WNT9B: variants seen among roughly 807,000 people sequenced by gnomAD.
WNT9B encodes the protein Wnt family member 9B.
In WNT9B, 12 loss-of-function variants were observed where a neutral mutation model predicts 30.2. That is an observed-to-expected ratio of 0.40 (90% CI 0.26 to 0.64). WNT9B has a LOEUF of 0.64. Among genes scored for constraint, WNT9B ranks in the 30% least tolerant of loss-of-function variants. The pLI, the probability that WNT9B is intolerant of heterozygous loss-of-function variation, is 0.42. For missense variants in WNT9B, 442 were observed against 485.2 expected (o/e 0.91, Z 0.84); for synonymous variants, 218 against 216.9 (o/e 1.01, Z -0.05).
chr17:46,869,311 G>C (rs2146591544), intron 1 of WNT9B, among the ~76,000 whole-genome samples: 1 of 152,314 alleles, frequency 6.6e-6, no homozygotes, highest in South Asian at 2.1e-4. Flanking sequence ...GGGGCCTGAG[G>C]ATTTGCATTC....
chr17:46,837,667 A>T (rs1473642775), intron 1 of WNT9B, among the ~76,000 whole-genome samples: 1 of 152,222 alleles, frequency 6.6e-6, no homozygotes, highest in Non-Finnish European at 1.5e-5. Context: ...CTGGGAACAC[A>T]GGAAGGTGGT....
chr17:46,875,207 C>T lies in WNT9B; in HGVS notation c.441C>T (p.Asp147=). ...GCATGGAGCGCTGCACCTGTGATGACTCTCCGGGGCTGGAGAGCCGGCAGG... is the reference window on the plus strand; with the variant it reads ...GCATGGAGCGCTGCACCTGTGATGATTCTCCGGGGCTGGAGAGCCGGCAGG... ...AGRMERCTCD[D]SPGLESRQAW... The change falls in exon 3 of 4, where the codon GAC becomes GAT. Residue 147 remains aspartate, a synonymous_variant. Transcript: ENST00000290015. 5 of 1,614,156 alleles carry T rather than the reference C, an allele frequency of 3.1e-6. No individual in the cohort carries two copies. The highest frequency in any genetic ancestry group is 4.2e-6 in the Non-Finnish European group (5 of 1,180,046).
downstream of WNT9B, among the ~76,000 whole-genome samples, chr17:46,883,757 C>T (rs544930205): frequency 6.6e-5 from 10 of 152,282 alleles, no homozygotes; most frequent in East Asian, 1.5e-3. Flanking sequence ...GGATTCAGGG[C>T]GACTGGTGGC....
intron 1 of WNT9B, among the ~76,000 whole-genome samples, chr17:46,862,948 A>G (rs922604701): frequency 1.1e-4 from 17 of 152,230 alleles, no homozygotes; most frequent in African/African-American, 4.1e-4. Flanking sequence ...GGGTGTCACC[A>G]GGCTACCCAA....
Position 46,857,474 on chromosome 17 carries a change from C to CAAA in WNT9B, c.77+5779_77+5781dup, listed in dbSNP as rs35196121. Among the ~76,000 whole-genome samples the CAAA allele has an allele frequency of 3.7e-3, 348 of 94,546 alleles. 3 individuals carry two copies. The highest frequency in any genetic ancestry group is 0.011 in the African/African-American group (318 of 29,106). The allele number at this position is 94,546 out of a possible 152,430, so 62.0% of individuals were successfully genotyped here. ...TGGGCAACAGAGCAAGACTCTGTCTCAAAAAAAAAAAAAAAAAAAAAAGAT... is the reference window on the plus strand; with the variant it reads ...TGGGCAACAGAGCAAGACTCTGTCTCAAAAAAAAAAAAAAAAAAAAAAAAAGAT... On this transcript the variant is annotated intron_variant, in intron 1 of 3. Transcript: ENST00000290015.
chr17:46,851,064 T>C (rs902816957), upstream of WNT9B, among the ~76,000 whole-genome samples: 4 of 152,198 alleles, frequency 2.6e-5, no homozygotes, highest in African/African-American at 9.7e-5. This position sits in a 1 kb window ranked among gnomAD's most constrained non-coding sequence, Gnocchi z 4.3. Flanking sequence ...TTCCCCCGCT[T>C]CCAGAGAGCG....
rs537444758 is a variant in WNT9B, at chr17:46,879,257, C to T, written c.*2539C>T. 6.6e-6 allele frequency among the ~76,000 whole-genome samples: 1 copy of T among 152,144 alleles called. No individual in the cohort carries two copies. Among genetic ancestry groups the T allele is most frequent in the African/African-American group, 2.4e-5 (1 of 41,426 alleles). ...GATACAGCCTGACCTGACCGGGTCC[C>T]CCACTGAGCAGGAGGCCGGGTCGCT... On this transcript the variant is annotated 3_prime_UTR_variant, in exon 4 of 4. Coordinates refer to ENST00000290015, the MANE Select transcript of WNT9B (RefSeq NM_003396.3).
upstream of WNT9B, among the ~76,000 whole-genome samples, chr17:46,850,348 C>T (rs377203145): frequency 2.6e-5 from 4 of 152,276 alleles, no homozygotes; most frequent in South Asian, 4.1e-4. Flanking sequence ...GTAATCACTG[C>T]GCTCATTTGA....
intron 1 of WNT9B, among the ~76,000 whole-genome samples, chr17:46,865,071 G>A (rs953994693): frequency 2.0e-5 from 3 of 152,202 alleles, no homozygotes; most frequent in African/African-American, 4.8e-5. Flanking sequence ...GGGACCCTCC[G>A]CAGCCACTGT....
chr17:46,853,857 G>C (rs1308918784), intron 1 of WNT9B, among the ~76,000 whole-genome samples: 1 of 152,168 alleles, frequency 6.6e-6, no homozygotes, highest in Non-Finnish European at 1.5e-5. Flanking sequence ...GAGATGAGAG[G>C]AGAGGGGTTC....
chr17:46,833,512 T>C, intron 1 of WNT9B: 1 of 448,940 alleles, frequency 2.2e-6, no homozygotes, highest in Admixed American at 2.4e-5. Flanking sequence ...GCCTGACTTC[T>C]CTCTGAGCTT....
chr17:46,879,185 G>A lies in WNT9B; in HGVS notation c.*2467G>A, dbSNP rs192837779. ...ATATAGTTGCTATATTTCACAGACA[G>A]CACAGGTGGGGTTTGTGTATTTTCC... On this transcript the variant is annotated 3_prime_UTR_variant, in exon 4 of 4. Transcript: ENST00000290015. Among the ~76,000 whole-genome samples, 4 of 152,222 alleles carry A rather than the reference G, an allele frequency of 2.6e-5. No individual in the cohort carries two copies. The highest frequency in any genetic ancestry group is 9.6e-5 in the African/African-American group (4 of 41,462).
In WNT9B at chr17:46,865,330, G is replaced by A. The variant is rs78006697; in HGVS notation, c.78-7187G>A. ...ATCCCCTGCAGGCAGCCTGGTCTGCGGCTGTGAGACAGGAAGTGGGGCTGT... is the reference window on the plus strand; with the variant it reads ...ATCCCCTGCAGGCAGCCTGGTCTGCAGCTGTGAGACAGGAAGTGGGGCTGT... On this transcript the variant is annotated intron_variant, in intron 1 of 3. Coordinates refer to ENST00000290015, the MANE Select transcript of WNT9B (RefSeq NM_003396.3). 3.5e-3 allele frequency among the ~76,000 whole-genome samples: 539 copies of A among 152,324 alleles called. 1 individual carries two copies. Among genetic ancestry groups the A allele is most frequent in the African/African-American group, 0.013 (522 of 41,578 alleles).
chr17:46,855,126 C>T (rs2084918116), intron 1 of WNT9B, among the ~76,000 whole-genome samples: 1 of 152,162 alleles, frequency 6.6e-6, no homozygotes. Context: ...TGAATAGAAA[C>T]CCTGCTTCCA....
chr17:46,876,226 T>C lies in WNT9B; in HGVS notation c.601-19T>C, dbSNP rs2146611215. 1 of 1,585,202 alleles carries C rather than the reference T, an allele frequency of 6.3e-7. No individual in the cohort carries two copies. The highest frequency in any genetic ancestry group is 2.3e-5 in the East Asian group (1 of 44,386). On this transcript the variant is annotated intron_variant, in intron 3 of 3. Transcript: ENST00000290015. The stretch of plus-strand genomic sequence containing the variant: ...GGGCCCAGGCCTCTGACCACGCCTC[T>C]GTTCTGCCTCCCCCACAGGCTGTGA...
intron 2 of WNT9B, among the ~76,000 whole-genome samples, chr17:46,873,831 A>C (rs1440884514): frequency 1.3e-5 from 2 of 152,020 alleles, no homozygotes; most frequent in Admixed American, 1.3e-4. Context: ...CTCTACTAAA[A>C]ATACAAAAAT....
intron 1 of WNT9B, among the ~76,000 whole-genome samples, chr17:46,842,027 C>G (rs913895965): frequency 6.6e-6 from 1 of 152,132 alleles, no homozygotes; most frequent in African/African-American, 2.4e-5. Flanking sequence ...GTGGCGCCCT[C>G]GGCGGGGCCT....
intron 1 of WNT9B, among the ~76,000 whole-genome samples, chr17:46,862,860 A>T (rs766632214): frequency 6.6e-6 from 1 of 152,198 alleles, no homozygotes; most frequent in Non-Finnish European, 1.5e-5. Context: ...CTGGGATTAC[A>T]AGCGTGAGCC....
chr17:46,874,943 C>G (rs2085318380), intron 2 of WNT9B, 158 bp from the exon 3 acceptor site: 1 of 1,153,964 alleles, frequency 8.7e-7, no homozygotes, highest in Non-Finnish European at 1.3e-6. Context: ...GGAGACCCAC[C>G]CGGAGCTGTG....
Sources: gnomAD v4.1 joint callset for allele counts (sites outside exome capture counted in the v4.1 genomes callset) on GRCh38, gnomAD v4.1.1 for gene constraint, Gnocchi (gnomAD v3.1) non-coding constraint, MANE v1.5 for transcripts, NCBI Gene and HGNC (gene_info 2026-07-23, HGNC 2026-07-21) for gene names.